GLG1: variants seen among roughly 807,000 people sequenced by gnomAD.
GLG1 encodes golgi glycoprotein 1.
A neutral mutation model predicts 160.5 loss-of-function variants in GLG1; 38 were observed. The observed-to-expected ratio is 0.24, with a 90% CI of 0.18 to 0.31. GLG1 has a LOEUF of 0.31. Among genes scored for constraint, GLG1 ranks in the 10% least tolerant of loss-of-function variants. GLG1 has a pLI of 1.00. For synonymous variants in GLG1, 644 were observed against 543.4 expected (o/e 1.19, Z -2.57); for missense variants, 1,373 against 1,505.2 (o/e 0.91, Z 1.45).
At position 74,606,807 on chromosome 16, in the gene GLG1, C is replaced by T. The variant is rs1308507435; in HGVS notation, c.288G>A (p.Gly96=). The stretch of plus-strand genomic sequence containing the variant: ...CCGCTCCTCCCCGCCGGGCCGGAGG[C>T]CCACCCGCCGGGAAAGGCGGCTGCG... The part of the protein sequence containing the change: ...QPPQPPFPAG[G]PPARRGGAGA... Residue 96 remains glycine, a synonymous_variant, in exon 1 of 26, where the codon GGG becomes GGA. Coordinates refer to ENST00000422840, the MANE Select transcript of GLG1 (RefSeq NM_001145667.2). The T allele has an allele frequency of 6.3e-7, 1 of 1,595,056 alleles. No homozygotes were observed.
Position 74,494,859 on chromosome 16 carries a change from T to C in GLG1, c.979-28A>G, listed in dbSNP as rs781773110. The C allele has an allele frequency of 1.3e-5, 14 of 1,049,434 alleles. No individual in the cohort carries two copies. The East Asian group carries it at 1.9e-4, about 14-fold the overall frequency. The allele number at this position is 1,049,434 out of a possible 1,614,324, so 65.0% of individuals were successfully genotyped here. A position where few individuals can be genotyped will look rare whatever the true frequency, so the allele number is the denominator to read the frequency against. Reference sequence around the variant, plus strand: ...ATAAGATGGAACATACACATTATTATTACTTTAGCTAAATAGTTATGCTGA... The same window carrying C: ...ATAAGATGGAACATACACATTATTACTACTTTAGCTAAATAGTTATGCTGA... On this transcript the variant is annotated intron_variant, in intron 5 of 25. Transcript: ENST00000422840.
intron 4 of GLG1, among the ~76,000 whole-genome samples, chr16:74,503,108 G>A (rs2016469750): frequency 1.3e-5 from 2 of 152,050 alleles, no homozygotes; most frequent in East Asian, 2.0e-4. Flanking sequence ...TCAGGAGGCT[G>A]AGGCAGGAGA....
intron 1 of GLG1, among the ~76,000 whole-genome samples, chr16:74,562,085 A>T (rs1043871026): frequency 6.6e-6 from 1 of 152,266 alleles, no homozygotes; most frequent in Non-Finnish European, 1.5e-5. Flanking sequence ...GGCTGATGCT[A>T]TAACAGTAGC....
At chr16:74,599,498 T>G (rs547296901) in intron 1 of GLG1, among the ~76,000 whole-genome samples, 1 of 152,198 alleles carries the variant, frequency 6.6e-6, no homozygotes, top group South Asian at 2.1e-4. Context: ...CGGGTGGGAT[T>G]ACCTGAGGTC....
chr16:74,461,495 G>C (rs1161799263), intron 22 of GLG1: 1 of 103,126 alleles, frequency 9.7e-6, no homozygotes, highest in African/African-American at 3.8e-5. Flanking sequence ...TTTTGAGACA[G>C]AGTCTTCCTC....
At chr16:74,507,523 GGTC>G in intron 3 of GLG1, among the ~76,000 whole-genome samples, 1 of 152,270 alleles carries the variant, frequency 6.6e-6, no homozygotes. Context: ...GATCACATGA[GGTC>G]AGGATTTGAG....
At chr16:74,538,340 C>A (rs888384015) in intron 1 of GLG1, among the ~76,000 whole-genome samples, 42 of 151,900 alleles carry the variant, frequency 2.8e-4, no homozygotes, top group African/African-American at 1.0e-3. Context: ...AGTAACTTCC[C>A]ATCACACGAA....
At chr16:74,537,124 A>G (rs2017708228) in intron 1 of GLG1, among the ~76,000 whole-genome samples, 1 of 152,246 alleles carries the variant, frequency 6.6e-6, no homozygotes, top group Admixed American at 6.5e-5. Flanking sequence ...GATTCCTGAC[A>G]TTGCATATAT....
intron 18 of GLG1, among the ~76,000 whole-genome samples, chr16:74,467,246 G>T (rs1474192330): frequency 1.3e-5 from 2 of 152,238 alleles, no homozygotes; most frequent in Non-Finnish European, 2.9e-5. Flanking sequence ...AACTAGAAGA[G>T]GTAGCCGAGT....
At chr16:74,497,865 T>C (rs2016256329) in intron 4 of GLG1, among the ~76,000 whole-genome samples, 1 of 152,254 alleles carries the variant, frequency 6.6e-6, no homozygotes, top group African/African-American at 2.4e-5. Context: ...TGTTGTTTAA[T>C]ACTCACGTTG....
intron 1 of GLG1, among the ~76,000 whole-genome samples, chr16:74,558,776 G>C (rs994495000): frequency 9.9e-5 from 15 of 152,152 alleles, no homozygotes; most frequent in Non-Finnish European, 1.9e-4. Flanking sequence ...GAAAAGAGAA[G>C]GGCAGATAAA....
At chr16:74,542,795 A>G (rs2017938273) in intron 1 of GLG1, among the ~76,000 whole-genome samples, 1 of 129,174 alleles carries the variant, frequency 7.7e-6, no homozygotes. Context: ...GGAAGGAAGG[A>G]AGGAAGGAAG....
intron 4 of GLG1, among the ~76,000 whole-genome samples, chr16:74,496,943 G>T (rs112522288): frequency 3.9e-5 from 6 of 152,206 alleles, no homozygotes; most frequent in African/African-American, 1.4e-4. Flanking sequence ...CTAGAAATAA[G>T]AACCTGAATT....
chr16:74,551,110 G>A (rs1025388599), intron 1 of GLG1, among the ~76,000 whole-genome samples: 1 of 152,212 alleles, frequency 6.6e-6, no homozygotes, highest in African/African-American at 2.4e-5. Context: ...TACTGGGGCT[G>A]GTAATACTAA....
Position 74,452,379 on chromosome 16 carries a change from A to G in GLG1, c.*788T>C, listed in dbSNP as rs2014348552. ...GGATCCAGCCTCTCAGTGCAGATGG[A>G]TGGACTGTTCAACTTCACAAACTTC... On this transcript the variant is annotated 3_prime_UTR_variant, in exon 26 of 26. Transcript: ENST00000422840. The G allele has an allele frequency of 1.5e-6, 2 of 1,294,068 alleles. No individual in the cohort carries two copies. Among genetic ancestry groups the G allele is most frequent in the Non-Finnish European group, 9.9e-7 (1 of 1,013,640 alleles). 80.2% of individuals were successfully genotyped at this position (1,294,068 alleles called of 1,614,324 possible).
intron 2 of GLG1, among the ~76,000 whole-genome samples, chr16:74,529,358 T>C (rs2017452423): frequency 6.6e-6 from 1 of 152,182 alleles, no homozygotes; most frequent in Admixed American, 6.5e-5. Context: ...CAAAAATGTC[T>C]AATTGATTTT....
chr16:74,477,370 G>A, intron 12 of GLG1, 26 bp downstream of exon 12: 2 of 1,571,228 alleles, frequency 1.3e-6, no homozygotes, highest in Non-Finnish European at 1.8e-6. Context: ...ATTATTGTAA[G>A]ACAAACAGAA....
At chr16:74,482,918 A>G in intron 10 of GLG1, 105 bp downstream of exon 10, 5 of 731,018 alleles carry the variant, frequency 6.8e-6, no homozygotes, top group Non-Finnish European at 1.2e-5. Context: ...CCCAGAACTG[A>G]ACAAAAAGAG....
chr16:74,469,199 T>C, intron 16 of GLG1, 136 bp from the exon 17 acceptor site: 6 of 644,856 alleles, frequency 9.3e-6, no homozygotes, highest in South Asian at 9.3e-5. Context: ...AGGCTCACTG[T>C]ATTTTTTTTC....
Sources: allele counts gnomAD v4.1 joint callset (sites outside exome capture counted in the v4.1 genomes callset), GRCh38; gene constraint gnomAD v4.1.1; transcripts MANE v1.5; gene names NCBI Gene and HGNC (gene_info 2026-07-23, HGNC 2026-07-21).